Variants in SLX4IP observed in about 807,000 individuals in gnomAD.
SLX4IP encodes protein SLX4IP.
In SLX4IP, 34 loss-of-function variants were observed where a neutral mutation model predicts 32.9. That is an observed-to-expected ratio of 1.03 (90% CI 0.79 to 1.38). SLX4IP has a LOEUF of 1.38. SLX4IP is among the 40% of genes most tolerant of loss of function. The pLI is 0.00. For synonymous variants in SLX4IP, 172 were observed against 171.7 expected, an observed-to-expected ratio of 1.00 and a Z score of -0.01; for missense variants, 444 against 479.0, an observed-to-expected ratio of 0.93 and a Z score of 0.68.
At chr20:10,591,409 T>A (rs1166203669) in intron 4 of SLX4IP, among the ~76,000 whole-genome samples, 1 of 152,166 alleles carries the variant, frequency 6.6e-6, no homozygotes, top group Non-Finnish European at 1.5e-5. Context: ...AATCTCAGAG[T>A]TGAAATGGAT....
intron 4 of SLX4IP, among the ~76,000 whole-genome samples, chr20:10,567,496 C>T (rs1036086037): frequency 1.3e-5 from 2 of 152,140 alleles, no homozygotes; most frequent in African/African-American, 4.8e-5. Flanking sequence ...ATCAGACTCT[C>T]GCCAGACCTG....
chr20:10,453,989 G>T lies in SLX4IP; in HGVS notation c.-29-4187G>T, dbSNP rs115544853. ...TGTTTTAGTTTGTTGTCTTCTGATAGTTCTCTTTTTTTGTTGCTGTCATTT... is the reference window on the plus strand; with the variant it reads ...TGTTTTAGTTTGTTGTCTTCTGATATTTCTCTTTTTTTGTTGCTGTCATTT... On this transcript the variant is annotated intron_variant, in intron 1 of 7. Coordinates refer to ENST00000334534, the MANE Select transcript of SLX4IP (RefSeq NM_001009608.3). Among the ~76,000 whole-genome samples the T allele has an allele frequency of 4.9e-3, 748 of 152,066 alleles. 12 individuals carry two copies. The highest frequency in any genetic ancestry group is 0.017 in the African/African-American group (715 of 41,490).
intron 2 of SLX4IP, among the ~76,000 whole-genome samples, chr20:10,487,228 C>A (rs2122390494): frequency 2.0e-5 from 3 of 152,248 alleles, no homozygotes; most frequent in Admixed American, 2.0e-4. Context: ...CTTGTTAGAT[C>A]TTGTGCAGTA....
intron 1 of SLX4IP, among the ~76,000 whole-genome samples, chr20:10,457,055 A>T (rs2065290799): frequency 6.6e-6 from 1 of 152,184 alleles, no homozygotes; most frequent in South Asian, 2.1e-4. Flanking sequence ...GTAGATTTTA[A>T]AATATTTATC....
intron 4 of SLX4IP, among the ~76,000 whole-genome samples, chr20:10,563,413 G>C (rs759990503): frequency 1.3e-5 from 2 of 152,166 alleles, no homozygotes; most frequent in Non-Finnish European, 2.9e-5. Flanking sequence ...GTTTGATATA[G>C]TCCCATTTTT....
chr20:10,525,079 A>G (rs2065930351), intron 2 of SLX4IP, among the ~76,000 whole-genome samples: 1 of 152,254 alleles, frequency 6.6e-6, no homozygotes, highest in Non-Finnish European at 1.5e-5. Context: ...TATTAAAAAT[A>G]GAAAGATAGA....
At chr20:10,552,819 T>C (rs971626824) in intron 2 of SLX4IP, among the ~76,000 whole-genome samples, 5 of 131,870 alleles carry the variant, frequency 3.8e-5, no homozygotes, top group Admixed American at 7.6e-5. Context: ...AAGATTCCCC[T>C]CCCCCCACCC....
chr20:10,457,898 G>A (rs1057174794), intron 1 of SLX4IP, among the ~76,000 whole-genome samples: 6 of 150,374 alleles, frequency 4.0e-5, no homozygotes, highest in African/African-American at 9.8e-5. Context: ...GTTTGGTCTC[G>A]AACTCCTGAG....
At chr20:10,472,571 A>C (rs1006801225) in intron 2 of SLX4IP, among the ~76,000 whole-genome samples, 1 of 152,138 alleles carries the variant, frequency 6.6e-6, no homozygotes, top group Admixed American at 6.5e-5. Context: ...TTTTGTGTGC[A>C]TGGTATAATG....
intron 1 of SLX4IP, among the ~76,000 whole-genome samples, chr20:10,448,276 G>C (rs1399836457): frequency 1.3e-5 from 2 of 152,074 alleles, no homozygotes; most frequent in Admixed American, 6.6e-5. Flanking sequence ...TTGTATACTG[G>C]CATTATTTGA....
At chr20:10,475,873 AC>A (rs1343856080) in intron 2 of SLX4IP, among the ~76,000 whole-genome samples, 5 of 152,228 alleles carry the variant, frequency 3.3e-5, no homozygotes, top group Non-Finnish European at 7.3e-5. Flanking sequence ...ACATGATAGT[AC>A]TTTACAATTT....
chr20:10,571,609 CT>C (rs1333822964), intron 4 of SLX4IP, among the ~76,000 whole-genome samples: 1 of 152,242 alleles, frequency 6.6e-6, no homozygotes, highest in East Asian at 1.9e-4. Context: ...TGCTCACCCT[CT>C]GGTGTAGCAG....
chr20:10,506,433 C>T (rs1250050448), intron 2 of SLX4IP, among the ~76,000 whole-genome samples: 1 of 152,186 alleles, frequency 6.6e-6, no homozygotes, highest in African/African-American at 2.4e-5. Context: ...ATTTACTGAA[C>T]ACCTCAAATG....
intron 3 of SLX4IP, among the ~76,000 whole-genome samples, chr20:10,559,151 G>A (rs185147830): frequency 3.9e-5 from 6 of 151,906 alleles, no homozygotes; most frequent in East Asian, 3.9e-4. Flanking sequence ...CCTATGAGGC[G>A]GCAAGGCTGC....
intron 6 of SLX4IP, among the ~76,000 whole-genome samples, chr20:10,608,325 A>G (rs750498323): frequency 1.3e-5 from 2 of 152,190 alleles, no homozygotes; most frequent in Non-Finnish European, 2.9e-5. Context: ...CTTTCTGTAC[A>G]GCGTTCTCAA....
At position 10,534,975 on chromosome 20, in the gene SLX4IP, C is replaced by T. The variant is rs184318327; in HGVS notation, c.28-21256C>T. Among the ~76,000 whole-genome samples, 4 of 152,286 alleles carry T rather than the reference C, an allele frequency of 2.6e-5. No individual in the cohort carries two copies. In the East Asian group the frequency reaches 7.7e-4, roughly 29 times the overall value. ...GATATGGTCAACCTCTTACCAGCTT[C>T]CTAGGATTTTAGTCTTTATTCTGAG... On this transcript the variant is annotated intron_variant, in intron 2 of 7. Coordinates refer to ENST00000334534, the MANE Select transcript of SLX4IP (RefSeq NM_001009608.3).
Position 10,458,214 on chromosome 20 carries a change from A to G in SLX4IP, c.10A>G (p.Lys4Glu), listed in dbSNP as rs972446263. 6.3e-7 allele frequency: 1 copy of G among 1,589,974 alleles called. No individual in the cohort carries two copies. The highest frequency in any genetic ancestry group is 1.4e-5 in the African/African-American group (1 of 73,236). ...GTGGAATCAATAAGCCATGGCATCT[A>G]AGAAATTTGCTGTTAAAGTAAGTAA... MASKKFAVKCGNFA... is the reference protein window; with the variant it reads MASEKFAVKCGNFA... The change falls in exon 2 of 8, where the codon AAG becomes GAG. Residue 4 changes from lysine (K) to glutamate (E), a missense_variant. Transcript: ENST00000334534.
At chr20:10,449,042 C>T (rs2065222624) in intron 1 of SLX4IP, among the ~76,000 whole-genome samples, 1 of 152,176 alleles carries the variant, frequency 6.6e-6, no homozygotes, top group Non-Finnish European at 1.5e-5. Flanking sequence ...TATGATTTTA[C>T]CATATTTGGA....
rs775473989 is a variant in SLX4IP at position 10,560,774 on chromosome 20, G to A, written c.192G>A (p.Arg64=). The A allele has an allele frequency of 1.2e-6, 2 of 1,608,128 alleles. No homozygotes were observed. The highest frequency in any genetic ancestry group is 8.5e-7 in the Non-Finnish European group (1 of 1,177,246). ...ACTTGGAAGTTCGCAAACAGCACAG[G>A]CCATCAAATGCAGAATTCACAAGAT... ...QEYLEVRKQH[R]PSNAEFTRSN... is the part of the protein sequence containing the mutation. Residue 64 remains arginine, a synonymous_variant, in exon 4 of 8, where the codon AGG becomes AGA. Transcript: ENST00000334534.
Sources: gnomAD v4.1 joint callset for allele counts (sites outside exome capture counted in the v4.1 genomes callset) on GRCh38, gnomAD v4.1.1 for gene constraint, MANE v1.5 for transcripts, NCBI Gene and HGNC (gene_info 2026-07-23, HGNC 2026-07-21) for gene names.